The following ARHGAP20 variants were observed in gnomAD, a reference collection of about 807,000 sequenced individuals.
The protein encoded by ARHGAP20 is Rho GTPase activating protein 20.
Under a neutral mutation model 73.7 loss-of-function variants are expected in ARHGAP20, and 34 were observed. The observed-to-expected ratio is 0.46, with a 90% CI of 0.35 to 0.61. The LOEUF (loss-of-function observed/expected upper bound fraction) is 0.61, where lower values mean the gene tolerates loss of function less well. Among genes scored for constraint, ARHGAP20 ranks in the 20% least tolerant of loss-of-function variants. ARHGAP20 has a pLI of 0.00. For synonymous variants in ARHGAP20, 523 were observed against 518.2 expected (o/e 1.01, Z -0.13); for missense variants, 1,314 against 1,420.9 (o/e 0.92, Z 1.21).
chr11:110,577,924 CAA>C lies in ARHGAP20; in HGVS notation c.*1444_*1445del, dbSNP rs1947331573. The stretch of plus-strand genomic sequence containing the variant: ...GACCATTTTCTGGTGATTAATAAGA[CAA>C]ATAATTTGGAATAAGCTAGCTTGTG... On this transcript the variant is annotated 3_prime_UTR_variant, in exon 15 of 15. Transcript: ENST00000683387. 1 of 985,366 alleles carries C rather than the reference CAA, an allele frequency of 1.0e-6. No individual in the cohort carries two copies. Among genetic ancestry groups the C allele is most frequent in the Non-Finnish European group, 1.2e-6 (1 of 829,780 alleles). 61.0% of individuals were successfully genotyped at this position (985,366 alleles called of 1,614,324 possible).
At chr11:110,664,663 G>A (rs1229221718) in intron 2 of ARHGAP20, among the ~76,000 whole-genome samples, 1 of 149,588 alleles carries the variant, frequency 6.7e-6, no homozygotes, top group East Asian at 2.0e-4. Context: ...GGGAGGCGGA[G>A]CTTCCAGTGA....
At chr11:110,599,720 G>C (rs1299059983) in intron 9 of ARHGAP20, among the ~76,000 whole-genome samples, 1 of 152,150 alleles carries the variant, frequency 6.6e-6, no homozygotes, top group Non-Finnish European at 1.5e-5. Flanking sequence ...AAACCCCTAG[G>C]CTCAGCCAGA....
intron 14 of ARHGAP20, 92 bp downstream of exon 14, chr11:110,582,229 G>A: frequency 9.6e-7 from 1 of 1,047,112 alleles, no homozygotes. Context: ...CACTTCAGCT[G>A]CTGTGGGCTC....
At chr11:110,617,935 G>A (rs1948520309) in intron 4 of ARHGAP20, among the ~76,000 whole-genome samples, 1 of 152,144 alleles carries the variant, frequency 6.6e-6, no homozygotes, top group Non-Finnish European at 1.5e-5. Context: ...GGAGATAGAG[G>A]CCTGTCATCA....
intron 9 of ARHGAP20, among the ~76,000 whole-genome samples, chr11:110,593,840 G>A (rs961377724): frequency 6.6e-6 from 1 of 152,240 alleles, no homozygotes; most frequent in Non-Finnish European, 1.5e-5. Context: ...GATTTGAGGA[G>A]CCATAATGCC....
intron 11 of ARHGAP20, chr11:110,589,491 C>T (rs970289103): frequency 1.4e-5 from 14 of 985,318 alleles, no homozygotes; most frequent in Non-Finnish European, 1.6e-5. Context: ...TTGGTTTTCA[C>T]GTTTCAGCCT....
Position 110,580,984 on chromosome 11 carries a change from A to G in ARHGAP20, c.1962T>C (p.Pro654=), listed in dbSNP as rs1305874980. The change falls in exon 15 of 15, where the codon CCT becomes CCC. Residue 654 remains proline, a synonymous_variant. Transcript: ENST00000683387. The stretch of plus-strand genomic sequence containing the variant: ...AAATGTTCACCGGCTTGGATTCAAG[A>G]GGCCGTTTCATTTGAACATCTTCAT... ...SKDEDVQMKR[P]LESKPVNILV... is the part of the protein sequence containing the mutation. 1.9e-6 allele frequency: 3 copies of G among 1,614,168 alleles called. No homozygotes were observed. The highest frequency in any genetic ancestry group is 3.3e-5 in the Admixed American group (2 of 60,022).
rs747234738 is a variant in ARHGAP20, at chr11:110,579,690, G to C, written c.3256C>G (p.Leu1086Val). ...HASGVPEANS[L>V]QEEQKDLPLR... is the part of the protein sequence containing the mutation. ...GGCAAGTCTTTTTGTTCCTCTTGCA[G>C]TGAGTTGGCTTCTGGAACACCAGAA... The change falls in exon 15 of 15, where the codon CTG (leucine) becomes GTG (valine). Residue 1086 changes from leucine (L) to valine (V), a missense_variant. Physicochemically the swap from Leu to Val is conservative, Grantham distance 32 (BLOSUM62 1). Coordinates refer to ENST00000683387, the MANE Select transcript of ARHGAP20 (RefSeq NM_001384657.1). The C allele has an allele frequency of 1.2e-6, 2 of 1,614,204 alleles. No individual in the cohort carries two copies. The highest frequency in any genetic ancestry group is 3.3e-5 in the Admixed American group (2 of 60,030).
intron 8 of ARHGAP20, among the ~76,000 whole-genome samples, chr11:110,607,128 C>T (rs1182647487): frequency 6.6e-6 from 1 of 152,086 alleles, no homozygotes; most frequent in Non-Finnish European, 1.5e-5. Context: ...AATACATGTC[C>T]TTGCTCAGTC....
At chr11:110,663,838 TA>T (rs1949666468) in intron 2 of ARHGAP20, among the ~76,000 whole-genome samples, 3 of 151,902 alleles carry the variant, frequency 2.0e-5, no homozygotes, top group Non-Finnish European at 4.4e-5. Flanking sequence ...AATACAGAGG[TA>T]AAAATTCTAA....
chr11:110,596,577 A>C (rs1423791013), intron 9 of ARHGAP20, among the ~76,000 whole-genome samples: 2 of 152,220 alleles, frequency 1.3e-5, no homozygotes, highest in African/African-American at 2.4e-5. Flanking sequence ...AATGCAAATC[A>C]AAACCACAAT....
At position 110,613,836 on chromosome 11, in the gene ARHGAP20, A is replaced by G. The variant is rs45443695; in HGVS notation, c.630+725T>C. On this transcript the variant is annotated intron_variant, in intron 6 of 14. Transcript: ENST00000683387. ...ACTACATATTTTTCCACACACAAATAAAACTATTCTGTGTGATCTAGAGCT... is the reference window on the plus strand; with the variant it reads ...ACTACATATTTTTCCACACACAAATGAAACTATTCTGTGTGATCTAGAGCT... Among the ~76,000 whole-genome samples, 40 of 152,210 alleles carry G rather than the reference A, an allele frequency of 2.6e-4. 1 individual carries two copies. Among genetic ancestry groups the G allele is most frequent in the Non-Finnish European group, 4.8e-4 (33 of 68,042 alleles).
chr11:110,658,982 C>G (rs1949535831), intron 2 of ARHGAP20, among the ~76,000 whole-genome samples: 4 of 152,086 alleles, frequency 2.6e-5, no homozygotes, highest in African/African-American at 7.2e-5. Flanking sequence ...CCCTAGGTTC[C>G]AAGTCTTTGC....
chr11:110,584,392 G>GT (rs5794696), intron 12 of ARHGAP20, among the ~76,000 whole-genome samples: 151,933 of 151,934 alleles, frequency 1, 75,966 homozygotes, highest in Non-Finnish European at 1. Flanking sequence ...ATCCCAAAAA[G>GT]TACAAATATA....
intron 2 of ARHGAP20, among the ~76,000 whole-genome samples, chr11:110,637,300 A>G (rs1253486385): frequency 6.6e-6 from 1 of 152,130 alleles, no homozygotes; most frequent in East Asian, 1.9e-4. Context: ...TACGATAACA[A>G]GTACTAGATA....
Position 110,577,183 on chromosome 11 carries a change from T to C in ARHGAP20, c.*2187A>G, listed in dbSNP as rs865787463. Reference sequence around the variant, plus strand: ...AGTACAAAAATACACATTTATTACATAACATATGGTAGTAAAATTTGTCAA... The same window carrying C: ...AGTACAAAAATACACATTTATTACACAACATATGGTAGTAAAATTTGTCAA... On this transcript the variant is annotated 3_prime_UTR_variant, in exon 15 of 15. Coordinates refer to ENST00000683387, the MANE Select transcript of ARHGAP20 (RefSeq NM_001384657.1). The C allele has an allele frequency of 2.0e-5, 31 of 1,529,632 alleles. No homozygotes were observed. The African/African-American group carries it at 2.5e-4, about 12-fold the overall frequency. 94.8% of individuals were successfully genotyped at this position (1,529,632 alleles called of 1,614,324 possible).
At chr11:110,676,599 C>T (rs1949934845) in intron 2 of ARHGAP20, among the ~76,000 whole-genome samples, 2 of 152,092 alleles carry the variant, frequency 1.3e-5, no homozygotes, top group South Asian at 4.2e-4. Context: ...ATGGGAACTA[C>T]AATTTAAGAT....
rs561586676 is a variant in ARHGAP20, at chr11:110,638,512, G to A, written c.189-7720C>T. 5.9e-5 allele frequency among the ~76,000 whole-genome samples: 9 copies of A among 152,048 alleles called. No homozygotes were observed. The East Asian group carries it at 1.7e-3, about 29-fold the overall frequency. On this transcript the variant is annotated intron_variant, in intron 2 of 14. Transcript: ENST00000683387. ...GTAAGAGATGTTGCACACCCAAGTT[G>A]GCAGTGAGAAAGGGATAGGAAAGAC...
chr11:110,617,678 G>C (rs947692704), intron 4 of ARHGAP20, among the ~76,000 whole-genome samples: 12 of 152,124 alleles, frequency 7.9e-5, no homozygotes, highest in African/African-American at 2.9e-4. Flanking sequence ...TAATCTTCTT[G>C]TATATTTCCC....
Sources: gnomAD v4.1 joint callset for allele counts (sites outside exome capture counted in the v4.1 genomes callset) on GRCh38, gnomAD v4.1.1 for gene constraint, MANE v1.5 for transcripts, NCBI Gene and HGNC (gene_info 2026-07-23, HGNC 2026-07-21) for gene names.